Variants in ENAH observed in about 807,000 individuals in gnomAD.
The protein encoded by ENAH is protein enabled homolog.
A neutral mutation model predicts 78.7 loss-of-function variants in ENAH; 23 were observed. The ratio of observed to expected loss-of-function variants is 0.29; its 90% CI spans 0.21 to 0.41. ENAH has a LOEUF of 0.41. ENAH is among the 10% of genes least tolerant of loss of function. ENAH has a pLI of 1.00. For synonymous variants in ENAH, 226 were observed against 241.0 expected (o/e 0.94, Z 0.58); for missense variants, 544 against 691.0 (o/e 0.79, Z 2.39).
At chr1:225,648,357 C>T (rs1662355339) in intron 1 of ENAH, among the ~76,000 whole-genome samples, 1 of 152,156 alleles carries the variant, frequency 6.6e-6, no homozygotes, top group African/African-American at 2.4e-5. Context: ...TATACAATCA[C>T]CTGTTTTAAG....
intron 6 of ENAH, among the ~76,000 whole-genome samples, chr1:225,516,731 A>G (rs138697568): frequency 0.044 from 6,629 of 152,016 alleles, 229 homozygotes; most frequent in South Asian, 0.11. Context: ...AAAATTAGCC[A>G]GGCGTGGTGG....
intron 11 of ENAH, chr1:225,504,957 A>C: frequency 6.4e-7 from 1 of 1,554,874 alleles, no homozygotes; most frequent in African/African-American, 1.4e-5. Flanking sequence ...GTTATTTAAA[A>C]GTCTCAAATC....
chr1:225,637,246 C>T (rs772283695), intron 1 of ENAH, among the ~76,000 whole-genome samples: 1 of 152,094 alleles, frequency 6.6e-6, no homozygotes, highest in Non-Finnish European at 1.5e-5. Flanking sequence ...CTCACTCTGT[C>T]GCCCAGGCTG....
chr1:225,516,064 A>G (rs993256797), intron 6 of ENAH, among the ~76,000 whole-genome samples: 9 of 152,346 alleles, frequency 5.9e-5, no homozygotes, highest in East Asian at 3.9e-4. Flanking sequence ...TCCTTAAATC[A>G]TATTTTAAAA....
chr1:225,519,097 T>C lies in ENAH; in HGVS notation c.802+101A>G, dbSNP rs949530000. 3 of 1,499,934 alleles carry C rather than the reference T, an allele frequency of 2.0e-6. No homozygotes were observed. The Admixed American group carries it at 6.5e-5, about 32-fold the overall frequency. 92.9% of individuals were successfully genotyped at this position (1,499,934 alleles called of 1,614,324 possible). On this transcript the variant is annotated intron_variant, in intron 5 of 13. Transcript: ENST00000366843. ...CATAATTTCAAATTGTATGGCTTAA[T>C]CCCAAACATCTCAAATGTGAAATAT... is the stretch of plus-strand genomic sequence containing the variant.
intron 10 of ENAH, among the ~76,000 whole-genome samples, chr1:225,510,960 G>A (rs1342233823): frequency 6.6e-6 from 1 of 152,094 alleles, no homozygotes; most frequent in Non-Finnish European, 1.5e-5. Flanking sequence ...GGTGGGGGTT[G>A]CGGTGAGCCA....
rs181677076 is a variant in ENAH at position 225,539,627 on chromosome 1, C to G, written c.350-8989G>C. ...AAAGCTCTTCAATTGCTGCCCACTG[C>G]TCTTAAGATAAATACCAAAATCCAG... On this transcript the variant is annotated intron_variant, in intron 3 of 13. Coordinates refer to ENST00000366843, the MANE Select transcript of ENAH (RefSeq NM_018212.6). 4.1e-4 allele frequency among the ~76,000 whole-genome samples: 62 copies of G among 152,324 alleles called. 1 individual carries two copies. The East Asian group carries it at 0.012, about 28-fold the overall frequency.
In ENAH at chr1:225,555,039, T is replaced by C. The variant is rs2096659364; in HGVS notation, c.216A>G (p.Gln72=). ...CAIPKGLKYN[Q]ATQTFHQWRD... is the part of the protein sequence containing the mutation. ...GCCACTGGTGGAAGGTCTGTGTAGC[T>C]TGATTGTACTTCAACCCTTTAGGAA... Residue 72 remains glutamine, a synonymous_variant, in exon 3 of 14, where the codon CAA becomes CAG. Coordinates refer to ENST00000366843, the MANE Select transcript of ENAH (RefSeq NM_018212.6). 2 of 1,595,616 alleles carry C rather than the reference T, an allele frequency of 1.3e-6. No individual in the cohort carries two copies. Among genetic ancestry groups the C allele is most frequent in the African/African-American group, 1.3e-5 (1 of 74,828 alleles).
intron 1 of ENAH, among the ~76,000 whole-genome samples, chr1:225,585,563 G>A (rs1291061708): frequency 6.6e-6 from 1 of 152,168 alleles, no homozygotes; most frequent in Non-Finnish European, 1.5e-5. Context: ...CGAGGCAGGT[G>A]GATCACCTGA....
At chr1:225,556,115 T>C (rs2096665622) in intron 2 of ENAH, among the ~76,000 whole-genome samples, 2 of 152,162 alleles carry the variant, frequency 1.3e-5, no homozygotes, top group African/African-American at 4.8e-5. Flanking sequence ...CATTCTCCCA[T>C]TAATGAACAA....
At chr1:225,575,002 T>A (rs1024511508) in intron 1 of ENAH, among the ~76,000 whole-genome samples, 1 of 150,296 alleles carries the variant, frequency 6.7e-6, no homozygotes, top group Non-Finnish European at 1.5e-5. Flanking sequence ...AAGTGAACAA[T>A]AAATAGCATG....
At chr1:225,636,661 C>A (rs1310540143) in intron 1 of ENAH, among the ~76,000 whole-genome samples, 1 of 152,132 alleles carries the variant, frequency 6.6e-6, no homozygotes, top group Non-Finnish European at 1.5e-5. Flanking sequence ...CTGGGCAACA[C>A]AGCAAGACAC....
intron 1 of ENAH, among the ~76,000 whole-genome samples, chr1:225,603,237 T>TA (rs2096939232): frequency 6.6e-6 from 1 of 152,064 alleles, no homozygotes. Flanking sequence ...TAAGTAAAAA[T>TA]AAATAATTAA....
intron 1 of ENAH, among the ~76,000 whole-genome samples, chr1:225,637,726 T>C (rs1352310674): frequency 6.6e-6 from 1 of 152,180 alleles, no homozygotes; most frequent in African/African-American, 2.4e-5. Context: ...GCTATTTGCT[T>C]TCAGAGTGCC....
intron 1 of ENAH, among the ~76,000 whole-genome samples, chr1:225,611,063 G>A (rs1288130095): frequency 1.3e-5 from 2 of 152,164 alleles, no homozygotes; most frequent in Non-Finnish European, 2.9e-5. Context: ...GGTCAGGTGG[G>A]GTTACTCTTT....
At chr1:225,648,987 G>A (rs1243115370) in intron 1 of ENAH, among the ~76,000 whole-genome samples, 3 of 151,982 alleles carry the variant, frequency 2.0e-5, no homozygotes, top group Non-Finnish European at 2.9e-5. Context: ...AGCTAAATAA[G>A]GTCGCAAGGT....
intron 3 of ENAH, among the ~76,000 whole-genome samples, chr1:225,547,434 TAAGTG>T (rs2096620503): frequency 6.6e-6 from 1 of 152,176 alleles, no homozygotes; most frequent in Non-Finnish European, 1.5e-5. Flanking sequence ...AAAAGTTACC[TAAGTG>T]AAGTACAATC....
intron 1 of ENAH, among the ~76,000 whole-genome samples, chr1:225,588,815 A>C (rs1316827137): frequency 7.9e-6 from 1 of 127,294 alleles, no homozygotes; most frequent in East Asian, 2.4e-4. Context: ...AAAAAAAAAA[A>C]AAAAAAAAAA....
At chr1:225,500,432 T>C (rs1297767550) in intron 12 of ENAH, among the ~76,000 whole-genome samples, 1 of 152,196 alleles carries the variant, frequency 6.6e-6, no homozygotes, top group African/African-American at 2.4e-5. Context: ...CTATTAAGCA[T>C]ACTAAATTAT....
Sources: gnomAD v4.1 joint callset for allele counts (sites outside exome capture counted in the v4.1 genomes callset) on GRCh38, gnomAD v4.1.1 for gene constraint, MANE v1.5 for transcripts, NCBI Gene and HGNC (gene_info 2026-07-23, HGNC 2026-07-21) for gene names.